The following PLXNB2 variants were observed in gnomAD, a reference collection of about 807,000 sequenced individuals.
PLXNB2 encodes plexin-B2.
In PLXNB2, 85 loss-of-function variants were observed where a neutral mutation model predicts 202.6. The ratio of observed to expected loss-of-function variants is 0.42; its 90% confidence interval spans 0.35 to 0.50. The LOEUF (loss-of-function observed/expected upper bound fraction) is 0.50. PLXNB2 is among the 20% of genes least tolerant of loss of function. The pLI, the probability that PLXNB2 is intolerant of heterozygous loss-of-function variation, is 0.02. For synonymous variants in PLXNB2, 1,239 were observed against 1,137.6 expected, an observed-to-expected ratio of 1.09 and a Z score of -1.79; for missense variants, 2,063 against 2,586.2, an observed-to-expected ratio of 0.80 and a Z score of 4.39.
At chr22:50,292,613 T>C (rs1376754075) in intron 2 of PLXNB2, among the ~76,000 whole-genome samples, 1 of 152,152 alleles carries the variant, frequency 6.6e-6, no homozygotes, top group Non-Finnish European at 1.5e-5. Flanking sequence ...CCCTGGCCTC[T>C]GTCCTCCCAG....
intron 8 of PLXNB2, 64 bp downstream of exon 8, chr22:50,287,047 C>T (rs761526885): frequency 3.6e-5 from 51 of 1,404,448 alleles, no homozygotes; most frequent in Non-Finnish European, 4.6e-5. Context: ...GAGGCGAGAG[C>T]CCGTGTGCAC....
intron 28 of PLXNB2, 49 bp downstream of exon 28, chr22:50,278,806 G>A (rs1601679493): frequency 6.3e-7 from 1 of 1,598,712 alleles, no homozygotes; most frequent in Non-Finnish European, 8.5e-7. Context: ...CAGGACACAG[G>A]CCAGGCACAT....
chr22:50,307,633 C>CG lies in PLXNB2; in HGVS notation c.-155dup, dbSNP rs1370186649. 3 of 980,690 alleles carry CG rather than the reference C, an allele frequency of 3.1e-6. No individual in the cohort carries two copies. The highest frequency in any genetic ancestry group is 6.3e-5 in the Admixed American group (1 of 15,950). 60.7% of individuals were successfully genotyped at this position (980,690 alleles called of 1,614,324 possible). ...CTGGCCCGCGCTGCTGCCATGGAGA[C>CG]GGGGCCTTTGTGTGGCCGAGGAGGG... is the stretch of plus-strand genomic sequence containing the variant. On this transcript the variant is annotated 5_prime_UTR_variant, in exon 1 of 37. Transcript: ENST00000359337.
chr22:50,290,685 C>T (rs990220500), intron 2 of PLXNB2, 88 bp from the exon 3 acceptor site: 2 of 1,366,266 alleles, frequency 1.5e-6, no homozygotes, highest in Non-Finnish European at 9.7e-7. Context: ...AACGTCAGAA[C>T]ATGGGAGAGA....
chr22:50,278,231 C>G lies in PLXNB2; in HGVS notation c.4773G>C (p.Leu1591=), dbSNP rs2065749863. The change falls in exon 31 of 37, where the codon CTG becomes CTC. Residue 1591 remains leucine (L), a synonymous_variant. Transcript: ENST00000359337. ...LLEEENRVWH[L]VRPTDEVDEG... ...CGTCCACCTCGTCGGTCGGCCGCAC[C>G]AGGTGCCACACCCGGTTCTCCTCCT... The G allele has an allele frequency of 6.2e-7, 1 of 1,610,500 alleles. No homozygotes were observed. The highest frequency in any genetic ancestry group is 1.3e-5 in the African/African-American group (1 of 74,922).
Position 50,289,141 on chromosome 22 carries a change from C to A in PLXNB2, c.1070G>T (p.Gly357Val). ...GCCACATGGGAAGCTCTTGCTGGAG[C>A]CCTGCGGACCACAGCGTGTCAATGG... ...GDIQCGGHAPGSSKSFPCGSE... is the reference protein window; with the variant it reads ...GDIQCGGHAPVSSKSFPCGSE... Residue 357 changes from glycine (G) to valine (V), a missense_variant and splice_region_variant, in exon 4 of 37, where the codon GGC becomes GTC. Gly to Val is a moderately radical substitution (Grantham distance 109). Transcript: ENST00000359337. This position sits in a 1 kb window ranked among gnomAD's most constrained non-coding sequence, Gnocchi z 8.0. The A allele has an allele frequency of 6.4e-7, 1 of 1,565,976 alleles. No individual in the cohort carries two copies. The highest frequency in any genetic ancestry group is 8.6e-7 in the Non-Finnish European group (1 of 1,156,722).
At chr22:50,285,969 T>C (rs367565836) in intron 10 of PLXNB2, 21 bp downstream of exon 10, 4 of 1,609,338 alleles carry the variant, frequency 2.5e-6, no homozygotes, top group East Asian at 2.2e-5. Flanking sequence ...AACAGTCCCC[T>C]GAGGCCCCGA....
At position 50,281,096 on chromosome 22, in the gene PLXNB2, T is replaced by C. The variant is rs1365266100; in HGVS notation, c.3756A>G (p.Glu1252=). Residue 1252 remains glutamate (E), a synonymous_variant, in exon 23 of 37, where the codon GAA becomes GAG. Transcript: ENST00000359337. ...CCCCCAAGCGGTCCCTACCTGTGAATTCCTTCTTGCAGCGGTCCCGCACGC... is the reference window on the plus strand; with the variant it reads ...CCCCCAAGCGGTCCCTACCTGTGAACTCCTTCTTGCAGCGGTCCCGCACGC... ...EESVRDRCKK[E]FTDLMIEMED... is the part of the protein sequence containing the mutation. 1 of 1,612,890 alleles carries C rather than the reference T, an allele frequency of 6.2e-7. No homozygotes were observed. The highest frequency in any genetic ancestry group is 2.2e-5 in the East Asian group (1 of 44,862).
chr22:50,285,980 G>C lies in PLXNB2; in HGVS notation c.1986+10C>G, dbSNP rs375332221. 1 of 1,611,106 alleles carries C rather than the reference G, an allele frequency of 6.2e-7. No homozygotes were observed. The highest frequency in any genetic ancestry group is 8.5e-7 in the Non-Finnish European group (1 of 1,178,756). On this transcript the variant is annotated intron_variant, in intron 10 of 36. Coordinates refer to ENST00000359337, the MANE Select transcript of PLXNB2 (RefSeq NM_012401.4). Reference sequence around the variant, plus strand: ...CCTGAACAGTCCCCTGAGGCCCCGAGGCCCCTCACCATGTGGGCACGGACG... The same window carrying C: ...CCTGAACAGTCCCCTGAGGCCCCGACGCCCCTCACCATGTGGGCACGGACG...
rs756335548 is a variant in PLXNB2, at chr22:50,290,454, C to T, written c.131G>A (p.Gly44Asp). ...ATTCACCGCCCCCAGGTACACCACG[C>T]CTGAGGCCTCATCCACAGCCAGGTG... is the stretch of plus-strand genomic sequence containing the variant. ...LNHLAVDEAS[G>D]VVYLGAVNAL... The change falls in exon 3 of 37, where the codon GGC (glycine) becomes GAC (aspartate). Residue 44 changes from glycine to aspartate, a missense_variant. Physicochemically the swap from Gly to Asp is moderately conservative, Grantham distance 94. Coordinates refer to ENST00000359337, the MANE Select transcript of PLXNB2 (RefSeq NM_012401.4). The T allele has an allele frequency of 1.2e-6, 2 of 1,612,938 alleles. No homozygotes were observed. The highest frequency in any genetic ancestry group is 3.3e-5 in the Admixed American group (2 of 60,020).
chr22:50,283,783 G>A lies in PLXNB2; in HGVS notation c.2422-33C>T, dbSNP rs749976278. The A allele has an allele frequency of 2.5e-6, 4 of 1,612,842 alleles. No homozygotes were observed. The South Asian group carries it at 3.3e-5, about 13-fold the overall frequency. On this transcript the variant is annotated intron_variant, in intron 14 of 36. Coordinates refer to ENST00000359337, the MANE Select transcript of PLXNB2 (RefSeq NM_012401.4). ...CACAGAGCCGGGTGAGCAGGGAGGG[G>A]CTCATGCCAGGGACGAGGGAAGGTG...
At chr22:50,300,498 C>T (rs2067616559) in intron 1 of PLXNB2, among the ~76,000 whole-genome samples, 1 of 152,214 alleles carries the variant, frequency 6.6e-6, no homozygotes, top group Non-Finnish European at 1.5e-5. Flanking sequence ...CCAGACTCAC[C>T]CGAGGCAAAG....
chr22:50,277,800 C>G (rs946236972), intron 32 of PLXNB2, 53 bp downstream of exon 32: 16 of 1,598,596 alleles, frequency 1.0e-5, no homozygotes, highest in Non-Finnish European at 1.4e-5. Context: ...GTGGAGCCTC[C>G]CAAGTGAGAG....
intron 1 of PLXNB2, among the ~76,000 whole-genome samples, chr22:50,301,044 T>A (rs1215743090): frequency 1.3e-5 from 2 of 152,140 alleles, no homozygotes; most frequent in East Asian, 3.9e-4. Flanking sequence ...GTCCCTAGAC[T>A]GGGGCCCCAG....
rs574900236 is a variant in PLXNB2, at chr22:50,307,499, C to A, written c.-74+54G>T. 2.8e-3 allele frequency: 2,513 copies of A among 908,532 alleles called. 60 individuals are homozygous for A. In the African/African-American group the frequency reaches 0.04, roughly 15 times the overall value. The allele number at this position is 908,532 out of a possible 1,614,324, so 56.3% of individuals were successfully genotyped here. A position where few individuals can be genotyped will look rare whatever the true frequency, so the allele number is the denominator to read the frequency against. On this transcript the variant is annotated intron_variant, in intron 1 of 36. Coordinates refer to ENST00000359337, the MANE Select transcript of PLXNB2 (RefSeq NM_012401.4). ...GGCGGAGCGGCGCTGACGGCGAAGC[C>A]CCCCCCACGCCCAGCGAGACGTCCC... is the stretch of plus-strand genomic sequence containing the variant.
In PLXNB2 at chr22:50,282,224, C is replaced by G. The variant is rs1414053033; in HGVS notation, c.3077G>C (p.Trp1026Ser). 1 of 1,612,246 alleles carries G rather than the reference C, an allele frequency of 6.2e-7. No individual in the cohort carries two copies. The highest frequency in any genetic ancestry group is 1.7e-5 in the Admixed American group (1 of 60,012). The change falls in exon 19 of 37, where the codon TGG becomes TCG. Residue 1026 changes from tryptophan to serine, a missense_variant. Around this residue, in one of 2 missense-constraint regions of PLXNB2, gnomAD observed 1,303 missense variants for 1,476.8 expected, o/e 0.88. Transcript: ENST00000359337. ...GGATTCAGCCTCCCGCGGCGGCTGC[C>G]AGGACTGCAGGGGCTCCGCGATGAC... The part of the protein sequence containing the change: ...MVVIAEPLQS[W>S]QPPREAESLQ...
chr22:50,284,791 G>A lies in PLXNB2; in HGVS notation c.2089-126C>T, dbSNP rs912963498. ...CCCTCTCCTCACCCCACACATGCCC[G>A]CCCCTCAGATTACCATGCCAGCTGA... On this transcript the variant is annotated intron_variant, in intron 11 of 36. Coordinates refer to ENST00000359337, the MANE Select transcript of PLXNB2 (RefSeq NM_012401.4). The surrounding 1 kb of genome is among the most constrained non-coding windows in gnomAD (Gnocchi z 8.0). The A allele has an allele frequency of 2.4e-5, 19 of 792,610 alleles. No homozygotes were observed. The highest frequency in any genetic ancestry group is 4.9e-5 in the East Asian group (2 of 40,782). 49.1% of individuals were successfully genotyped at this position (792,610 alleles called of 1,614,324 possible).
rs2067388668 is a variant in PLXNB2 at position 50,297,883 on chromosome 22, T to A, written c.-73-3105A>T. Among the ~76,000 whole-genome samples, 1 of 152,046 alleles carries A rather than the reference T, an allele frequency of 6.6e-6. No homozygotes were observed. The highest frequency in any genetic ancestry group is 1.5e-5 in the Non-Finnish European group (1 of 68,024). ...GGGCTGCCTTGAGGTTGAGTGGGTGTGGAAATCTTTACAGCTGTGCCCACT... is the reference window on the plus strand; with the variant it reads ...GGGCTGCCTTGAGGTTGAGTGGGTGAGGAAATCTTTACAGCTGTGCCCACT... On this transcript the variant is annotated intron_variant, in intron 1 of 36. Transcript: ENST00000359337. The surrounding 1 kb of genome is among the most constrained non-coding windows in gnomAD (Gnocchi z 5.3).
At chr22:50,292,836 T>C (rs1305983014) in intron 2 of PLXNB2, among the ~76,000 whole-genome samples, 1 of 152,164 alleles carries the variant, frequency 6.6e-6, no homozygotes, top group African/African-American at 2.4e-5. Context: ...AGGGCCCGCA[T>C]GAGTGAGACA....
Sources: allele counts gnomAD v4.1 joint callset (sites outside exome capture counted in the v4.1 genomes callset), GRCh38; gene constraint gnomAD v4.1.1; regional missense constraint gnomAD v4.1.1; non-coding constraint Gnocchi (gnomAD v3.1); transcripts MANE v1.5; gene names NCBI Gene and HGNC (gene_info 2026-07-23, HGNC 2026-07-21).